PCDHA2: variants seen among roughly 807,000 people sequenced by gnomAD.
The protein encoded by PCDHA2 is protocadherin alpha-2.
A neutral mutation model predicts 66.0 loss-of-function variants in PCDHA2; 58 were observed. That is an observed-to-expected ratio of 0.88 (90% confidence interval 0.71 to 1.09). The LOEUF (loss-of-function observed/expected upper bound fraction) is 1.09. Among genes scored for constraint, PCDHA2 ranks in the 50% least tolerant of loss-of-function variants. The pLI is 0.00. For missense variants in PCDHA2, 1,267 were observed against 1,242.3 expected (o/e 1.02, Z -0.30); for synonymous variants, 634 against 554.0 (o/e 1.14, Z -2.03).
intron 1 of PCDHA2, chr5:140,825,843 T>C (rs1768734977): frequency 6.6e-6 from 1 of 152,442 alleles, no homozygotes; most frequent in Non-Finnish European, 1.5e-5. Context: ...AAATATACCA[T>C]GATACAAACT....
intron 1 of PCDHA2, chr5:140,929,574 G>A: frequency 2.2e-6 from 1 of 448,534 alleles, no homozygotes; most frequent in Non-Finnish European, 3.9e-6. Flanking sequence ...AACAATAAAA[G>A]TAATATGACA....
chr5:140,803,905 T>A (rs185777176), intron 1 of PCDHA2: 7 of 516,732 alleles, frequency 1.4e-5, no homozygotes, highest in African/African-American at 1.3e-4. Flanking sequence ...ATTTAGAGAA[T>A]CTGACTTCGA....
chr5:140,830,166 C>A, intron 1 of PCDHA2: 1 of 1,613,518 alleles, frequency 6.2e-7, no homozygotes, highest in Non-Finnish European at 8.5e-7. Context: ...CCAGAGGCGG[C>A]GCTGGTGGAT....
At chr5:140,858,079 C>T in intron 1 of PCDHA2, 5 of 1,597,852 alleles carry the variant, frequency 3.1e-6, no homozygotes, top group Non-Finnish European at 4.3e-6. Context: ...CACCCAAGGC[C>T]TCGTCGCGGG....
At chr5:140,856,282 G>T (rs1554148485) in intron 1 of PCDHA2, 1 of 1,598,456 alleles carries the variant, frequency 6.3e-7, no homozygotes, top group African/African-American at 1.3e-5. Context: ...AGGTAAATCT[G>T]CAGAATGGCA....
rs781883995 is a variant in PCDHA2, at chr5:140,876,273, C to A, written c.2388+78921C>A. Reference sequence around the variant, plus strand: ...CAAGAGTGATCCAACTAAATGCTTCCGATCCAGACGAAGGACTTAATGGAG... The same window carrying A: ...CAAGAGTGATCCAACTAAATGCTTCAGATCCAGACGAAGGACTTAATGGAG... On this transcript the variant is annotated intron_variant, in intron 1 of 3. Coordinates refer to ENST00000526136, the MANE Select transcript of PCDHA2 (RefSeq NM_018905.3). 6.8e-6 allele frequency: 11 copies of A among 1,613,984 alleles called. No individual in the cohort carries two copies. The South Asian group carries it at 1.2e-4, about 18-fold the overall frequency.
intron 1 of PCDHA2, chr5:140,861,416 C>G: frequency 2.1e-6 from 1 of 477,054 alleles, no homozygotes; most frequent in South Asian, 1.6e-5. Flanking sequence ...TGATACCGCG[C>G]CTGTTTCAGT....
At chr5:140,939,521 T>C (rs540311861) in intron 1 of PCDHA2, among the ~76,000 whole-genome samples, 3 of 152,326 alleles carry the variant, frequency 2.0e-5, no homozygotes, top group Non-Finnish European at 2.9e-5. Flanking sequence ...TTAATAGTTA[T>C]AGAATTATAC....
At chr5:140,875,888 A>G (rs782107591) in intron 1 of PCDHA2, 3 of 1,614,076 alleles carry the variant, frequency 1.9e-6, no homozygotes, top group Non-Finnish European at 2.5e-6. Context: ...AGGGAACAAA[A>G]GGTACCTGTT....
intron 3 of PCDHA2, among the ~76,000 whole-genome samples, chr5:140,987,781 A>G (rs2097267961): frequency 6.6e-6 from 1 of 152,208 alleles, no homozygotes; most frequent in East Asian, 1.9e-4. Context: ...AGAATCTGCT[A>G]TAGAGAAGAT....
intron 1 of PCDHA2, among the ~76,000 whole-genome samples, chr5:140,826,378 T>A (rs1768925032): frequency 6.6e-6 from 1 of 152,174 alleles, no homozygotes; most frequent in South Asian, 2.1e-4. Flanking sequence ...AGAAAGTCAG[T>A]GATAAGAACT....
intron 1 of PCDHA2, chr5:140,816,401 A>G (rs1765898077): frequency 6.6e-6 from 1 of 152,022 alleles, no homozygotes; most frequent in Non-Finnish European, 1.5e-5. Context: ...CTGCTTATGC[A>G]TTATTTTCCT....
At chr5:140,980,160 T>C (rs1408251279) in intron 2 of PCDHA2, among the ~76,000 whole-genome samples, 1 of 152,140 alleles carries the variant, frequency 6.6e-6, no homozygotes, top group East Asian at 1.9e-4. Context: ...TACCAGAATA[T>C]TAGGTATCAG....
In PCDHA2 at chr5:140,857,559, C is replaced by T; in HGVS notation, c.2388+60207C>T. On this transcript the variant is annotated intron_variant, in intron 1 of 3. Transcript: ENST00000526136. The stretch of plus-strand genomic sequence containing the variant: ...CGGCGGTTGGGCGAGCGCTCGCTGT[C>T]GAGCTACGTGTCGGTGCACGCGGAG... 1.3e-6 allele frequency: 2 copies of T among 1,596,876 alleles called. No homozygotes were observed. Among genetic ancestry groups the T allele is most frequent in the South Asian group, 1.1e-5 (1 of 90,494 alleles).
chr5:140,929,330 G>T, intron 1 of PCDHA2: 1 of 1,535,218 alleles, frequency 6.5e-7, no homozygotes. Context: ...GCCATGGTAA[G>T]CAAATTTTAT....
chr5:140,843,922 A>C, intron 1 of PCDHA2: 1 of 591,956 alleles, frequency 1.7e-6, no homozygotes, highest in Non-Finnish European at 2.9e-6. Flanking sequence ...CTATCTTGAA[A>C]CTCAAGTTAT....
rs782607699 is a variant in PCDHA2, at chr5:140,926,577, C to A, written c.2389-52372C>A. ...CAGCCCGCTGCTACTGGAGACAGCA[C>A]CTCTCGCGCCCGGGCGGGCGGCCTC... On this transcript the variant is annotated intron_variant, in intron 1 of 3. Coordinates refer to ENST00000526136, the MANE Select transcript of PCDHA2 (RefSeq NM_018905.3). The A allele has an allele frequency of 2.5e-5, 7 of 275,464 alleles. No individual in the cohort carries two copies. In the Middle Eastern group the frequency reaches 3.1e-3, roughly 122 times the overall value. The allele number at this position is 275,464 out of a possible 1,614,324, so 17.1% of individuals were successfully genotyped here. A position where few individuals can be genotyped will look rare whatever the true frequency, so the allele number is the denominator to read the frequency against.
At chr5:140,868,911 G>T in intron 1 of PCDHA2, 1 of 892,226 alleles carries the variant, frequency 1.1e-6, no homozygotes. Flanking sequence ...CTCTTTACTT[G>T]GTGGAAAGTT....
intron 1 of PCDHA2, chr5:140,807,908 G>C (rs781869651): frequency 1.2e-6 from 2 of 1,614,008 alleles, no homozygotes; most frequent in Non-Finnish European, 1.7e-6. Flanking sequence ...CAATGCCCCA[G>C]CTTTTGACAG....
Sources: allele counts gnomAD v4.1 joint callset (sites outside exome capture counted in the v4.1 genomes callset), GRCh38; gene constraint gnomAD v4.1.1; transcripts MANE v1.5; gene names NCBI Gene and HGNC (gene_info 2026-07-23, HGNC 2026-07-21).